RDX: variants seen among roughly 807,000 people sequenced by gnomAD.
RDX encodes the protein deafness, autosomal recessive 24.
A neutral mutation model predicts 83.7 loss-of-function variants in RDX; 32 were observed. The ratio of observed to expected loss-of-function variants is 0.38; its 90% CI spans 0.29 to 0.51. The LOEUF is 0.51. Among genes scored for constraint, RDX ranks in the 20% least tolerant of loss-of-function variants. The pLI, the probability that RDX is intolerant of heterozygous loss-of-function variation, is 0.87. For synonymous variants in RDX, 229 were observed against 222.7 expected, an observed-to-expected ratio of 1.03 and a Z score of -0.25; for missense variants, 600 against 689.9, an observed-to-expected ratio of 0.87 and a Z score of 1.46.
intron 5 of RDX, among the ~76,000 whole-genome samples, chr11:110,263,703 A>T (rs180883545): frequency 1.6e-4 from 25 of 152,036 alleles, no homozygotes; most frequent in African/African-American, 5.1e-4. Context: ...TCAATGAAAA[A>T]TACATTAAAA....
At chr11:110,213,183 T>C (rs1428998978) in intron 14 of RDX, among the ~76,000 whole-genome samples, 2 of 151,836 alleles carry the variant, frequency 1.3e-5, no homozygotes. Context: ...CAAGCATTCT[T>C]ATACACCAAC....
chr11:110,212,197 C>T (rs1863862788), intron 14 of RDX, among the ~76,000 whole-genome samples: 1 of 151,802 alleles, frequency 6.6e-6, no homozygotes, highest in African/African-American at 2.4e-5. Context: ...TCAGAGAATA[C>T]TACAAACACC....
chr11:110,183,632 A>G (rs1356866459), intron 15 of RDX, among the ~76,000 whole-genome samples: 1 of 152,228 alleles, frequency 6.6e-6, no homozygotes, highest in African/African-American at 2.4e-5. Context: ...ACTATCTGCT[A>G]TATTTTTAAG....
chr11:110,185,955 G>A (rs1310092388), intron 15 of RDX, among the ~76,000 whole-genome samples: 1 of 152,230 alleles, frequency 6.6e-6, no homozygotes, highest in Non-Finnish European at 1.5e-5. Flanking sequence ...CAGGGAAAGG[G>A]TATGGTGCTG....
intron 1 of RDX, among the ~76,000 whole-genome samples, chr11:110,284,591 G>A (rs1459101750): frequency 6.6e-6 from 1 of 151,774 alleles, no homozygotes; most frequent in East Asian, 1.9e-4. Flanking sequence ...CGCGATATCG[G>A]CTCACTGCAA....
At chr11:110,202,231 C>T (rs895291528) in intron 14 of RDX, among the ~76,000 whole-genome samples, 1 of 151,898 alleles carries the variant, frequency 6.6e-6, no homozygotes, top group Non-Finnish European at 1.5e-5. Context: ...GCCATCTCTA[C>T]TAAAAATACA....
intron 15 of RDX, among the ~76,000 whole-genome samples, chr11:110,180,510 G>A (rs891063998): frequency 3.9e-5 from 6 of 152,056 alleles, no homozygotes; most frequent in Non-Finnish European, 7.4e-5. Context: ...CCATTTCCCC[G>A]GGCCACTGTA....
At chr11:110,262,860 A>T (rs1318074560) in intron 5 of RDX, among the ~76,000 whole-genome samples, 4 of 152,188 alleles carry the variant, frequency 2.6e-5, no homozygotes, top group Non-Finnish European at 5.9e-5. Context: ...GTCTTCTGAT[A>T]ATTTTTTCCT....
intron 1 of RDX, among the ~76,000 whole-genome samples, chr11:110,285,113 G>A (rs889647292): frequency 1.3e-5 from 2 of 152,068 alleles, no homozygotes; most frequent in Non-Finnish European, 2.9e-5. Context: ...TTGTTGCCGG[G>A]CACGGTGGCT....
chr11:110,293,780 A>G (rs1345939965), intron 1 of RDX, among the ~76,000 whole-genome samples: 2 of 152,188 alleles, frequency 1.3e-5, no homozygotes, highest in East Asian at 1.9e-4. Flanking sequence ...ACACGAAATT[A>G]TATTTATCTA....
chr11:110,225,314 A>G (rs1223108802), downstream of RDX, among the ~76,000 whole-genome samples: 1 of 152,224 alleles, frequency 6.6e-6, no homozygotes, highest in Non-Finnish European at 1.5e-5. Flanking sequence ...GCAATTCACA[A>G]TGGGAAAAAA....
At chr11:110,235,689 A>C (rs1239600872) in intron 12 of RDX, among the ~76,000 whole-genome samples, 2 of 152,232 alleles carry the variant, frequency 1.3e-5, no homozygotes, top group Non-Finnish European at 2.9e-5. Flanking sequence ...TTTCTGAACA[A>C]CACTAAGCCT....
chr11:110,183,557 C>A (rs1862929424), intron 15 of RDX, among the ~76,000 whole-genome samples: 1 of 152,234 alleles, frequency 6.6e-6, no homozygotes, highest in Non-Finnish European at 1.5e-5. Flanking sequence ...CTCCTAGTCT[C>A]AAGCGATCCT....
At chr11:110,277,371 G>A (rs1037512982) in intron 2 of RDX, among the ~76,000 whole-genome samples, 4 of 152,108 alleles carry the variant, frequency 2.6e-5, no homozygotes, top group Admixed American at 2.0e-4. Flanking sequence ...CCAGGTTGAA[G>A]TGCAGTGGTG....
intron 3 of RDX, among the ~76,000 whole-genome samples, chr11:110,270,553 G>T (rs1208488215): frequency 1.3e-5 from 2 of 152,136 alleles, no homozygotes; most frequent in Non-Finnish European, 2.9e-5. Flanking sequence ...ACTTTACATA[G>T]ATTTTCATTT....
chr11:110,179,811 G>A (rs1028087747), intron 15 of RDX: 13 of 385,660 alleles, frequency 3.4e-5, no homozygotes, highest in South Asian at 2.6e-4. Context: ...AGGTTAAGTT[G>A]TACCTGCAGA....
intron 5 of RDX, among the ~76,000 whole-genome samples, chr11:110,261,567 C>T (rs1294646534): frequency 6.6e-6 from 1 of 152,038 alleles, no homozygotes; most frequent in Non-Finnish European, 1.5e-5. Context: ...TCCGATATAC[C>T]ATACTGGAAT....
At chr11:110,227,232 G>T (rs996299019), downstream of RDX, among the ~76,000 whole-genome samples, 1 of 151,968 alleles carries the variant, frequency 6.6e-6, no homozygotes, top group Non-Finnish European at 1.5e-5. Flanking sequence ...AGTGCAAGAA[G>T]AATTTCATAT....
At chr11:110,293,562 T>C (rs1197116852) in intron 1 of RDX, among the ~76,000 whole-genome samples, 2 of 152,172 alleles carry the variant, frequency 1.3e-5, no homozygotes, top group Admixed American at 6.5e-5. Flanking sequence ...TCAAGGAAGT[T>C]ACCAGAACAG....
Sources: allele counts gnomAD v4.1 joint callset (sites outside exome capture counted in the v4.1 genomes callset), GRCh38; gene constraint gnomAD v4.1.1; transcripts MANE v1.5; gene names NCBI Gene and HGNC (gene_info 2026-07-23, HGNC 2026-07-21).